Variants in NAALADL2 observed in about 807,000 individuals in gnomAD.
NAALADL2 encodes the protein inactive N-acetylated-alpha-linked acidic dipeptidase-like protein 2.
In NAALADL2, 76 loss-of-function variants were observed where a neutral mutation model predicts 87.2. The observed-to-expected ratio is 0.87, with a 90% confidence interval of 0.72 to 1.05. NAALADL2 has a LOEUF of 1.05. NAALADL2 is among the 50% of genes least tolerant of loss of function. NAALADL2 has a pLI of 0.00. For synonymous variants in NAALADL2, 354 were observed against 331.0 expected, an observed-to-expected ratio of 1.07 and a Z score of -0.75; for missense variants, 1,089 against 945.8, an observed-to-expected ratio of 1.15 and a Z score of -1.99.
At chr3:174,931,937 C>A (rs1736955172) in intron 1 of NAALADL2, among the ~76,000 whole-genome samples, 2 of 152,116 alleles carry the variant, frequency 1.3e-5, no homozygotes, top group Admixed American at 1.3e-4. Context: ...GATATCTTTT[C>A]TCATGTGGAA....
intron 2 of NAALADL2, among the ~76,000 whole-genome samples, chr3:174,710,611 G>A (rs1304418611): frequency 1.3e-5 from 2 of 152,108 alleles, no homozygotes; most frequent in Non-Finnish European, 2.9e-5. Context: ...GGAAGTTAGT[G>A]ATGAGGCACA....
At chr3:175,342,281 A>C (rs745503968) in intron 5 of NAALADL2, among the ~76,000 whole-genome samples, 11 of 152,148 alleles carry the variant, frequency 7.2e-5, no homozygotes, top group Non-Finnish European at 1.3e-4. Context: ...AATCACAAGC[A>C]CTGAGATAAA....
chr3:174,585,249 T>G (rs1310974396), intron 2 of NAALADL2, among the ~76,000 whole-genome samples: 1 of 152,126 alleles, frequency 6.6e-6, no homozygotes, highest in African/African-American at 2.4e-5. Context: ...TAGCCAAGGT[T>G]GAGAACCACT....
intron 2 of NAALADL2, among the ~76,000 whole-genome samples, chr3:174,667,935 A>G (rs1726129901): frequency 6.6e-6 from 1 of 151,972 alleles, no homozygotes; most frequent in African/African-American, 2.4e-5. Context: ...CTTTTTTGAG[A>G]AATCTTTATT....
chr3:174,621,586 A>G (rs1207346770), intron 2 of NAALADL2, among the ~76,000 whole-genome samples: 1 of 152,160 alleles, frequency 6.6e-6, no homozygotes, highest in Non-Finnish European at 1.5e-5. Flanking sequence ...GTGGCATTAT[A>G]GAAAAGATCA....
intron 1 of NAALADL2, among the ~76,000 whole-genome samples, chr3:174,958,466 A>G (rs1741475591): frequency 6.6e-6 from 1 of 152,016 alleles, no homozygotes; most frequent in Non-Finnish European, 1.5e-5. Flanking sequence ...AGTGTTTGTT[A>G]CATCACCACT....
chr3:175,418,435 A>C (rs1483430011), intron 5 of NAALADL2, among the ~76,000 whole-genome samples: 2 of 152,168 alleles, frequency 1.3e-5, no homozygotes, highest in African/African-American at 4.8e-5. Flanking sequence ...CTGTGGTTGT[A>C]TTCAATTTAT....
intron 2 of NAALADL2, among the ~76,000 whole-genome samples, chr3:174,571,079 A>G (rs986803289): frequency 2.6e-5 from 4 of 152,146 alleles, no homozygotes; most frequent in Admixed American, 2.6e-4. Context: ...TGCCTTTCGG[A>G]TAAGCTTCCA....
chr3:175,052,860 T>C (rs1405181151), intron 1 of NAALADL2, among the ~76,000 whole-genome samples: 1 of 152,308 alleles, frequency 6.6e-6, no homozygotes, highest in African/African-American at 2.4e-5. Flanking sequence ...GTTCCAGATA[T>C]AGGAACTCTT....
intron 9 of NAALADL2, among the ~76,000 whole-genome samples, chr3:175,538,344 T>C (rs1458259430): frequency 2.0e-5 from 3 of 151,920 alleles, no homozygotes; most frequent in African/African-American, 7.3e-5. Flanking sequence ...AATATTAACA[T>C]TTTTTCCTCC....
intron 1 of NAALADL2, among the ~76,000 whole-genome samples, chr3:174,959,480 G>A (rs368524285): frequency 5.9e-5 from 9 of 151,956 alleles, no homozygotes; most frequent in Admixed American, 2.6e-4. Flanking sequence ...GCACTAGTGC[G>A]GTGAGTTCAC....
chr3:175,387,998 T>C (rs1768607497), intron 5 of NAALADL2, among the ~76,000 whole-genome samples: 2 of 152,104 alleles, frequency 1.3e-5, no homozygotes, highest in Admixed American at 1.3e-4. Context: ...AGGGGATTTA[T>C]GAATGGCTCC....
chr3:175,186,845 A>G (rs577593480), intron 2 of NAALADL2, among the ~76,000 whole-genome samples: 38 of 152,220 alleles, frequency 2.5e-4, no homozygotes, highest in African/African-American at 8.9e-4. Context: ...TTAACATCTC[A>G]AATTTGCCTT....
At chr3:175,316,566 C>T (rs1683626837) in intron 4 of NAALADL2, among the ~76,000 whole-genome samples, 1 of 152,144 alleles carries the variant, frequency 6.6e-6, no homozygotes, top group South Asian at 2.1e-4. Flanking sequence ...AGTCATCGTT[C>T]TATATCTTAA....
intron 5 of NAALADL2, among the ~76,000 whole-genome samples, chr3:175,404,681 G>T (rs1025935781): frequency 2.6e-5 from 4 of 152,134 alleles, no homozygotes; most frequent in Non-Finnish European, 4.4e-5. Flanking sequence ...AAAATGTAAA[G>T]TCCTTTTTCC....
upstream of NAALADL2, among the ~76,000 whole-genome samples, chr3:174,858,133 T>C (rs1463042494): frequency 1.3e-5 from 2 of 148,216 alleles, no homozygotes; most frequent in African/African-American, 2.4e-5. Flanking sequence ...ATATATTATA[T>C]ATTTGAATAT....
At chr3:175,435,982 C>T (rs1332831246) in intron 5 of NAALADL2, among the ~76,000 whole-genome samples, 2 of 141,722 alleles carry the variant, frequency 1.4e-5, no homozygotes, top group Non-Finnish European at 3.1e-5. Context: ...GTATATCTCC[C>T]AATGCTATCC....
chr3:175,758,151 T>C (rs1747512506), intron 13 of NAALADL2, among the ~76,000 whole-genome samples: 1 of 152,012 alleles, frequency 6.6e-6, no homozygotes, highest in South Asian at 2.1e-4. Context: ...GCCCCTGAGT[T>C]AAAAATGATT....
chr3:175,099,000 A>G (rs1285350764), intron 2 of NAALADL2, among the ~76,000 whole-genome samples: 2 of 151,834 alleles, frequency 1.3e-5, no homozygotes, highest in Non-Finnish European at 2.9e-5. Context: ...GTAAGTTTAT[A>G]GTCAAATTTG....
Sources: allele counts gnomAD v4.1 joint callset (sites outside exome capture counted in the v4.1 genomes callset), GRCh38; gene constraint gnomAD v4.1.1; transcripts MANE v1.5; gene names NCBI Gene and HGNC (gene_info 2026-07-23, HGNC 2026-07-21).